The following IMMP2L variants were observed in gnomAD, a reference collection of about 807,000 sequenced individuals.
The protein encoded by IMMP2L is inner mitochondrial membrane peptidase subunit 2, also known as mitochondrial inner membrane protease subunit 2.
IMMP2L carries 18 observed loss-of-function variants against 19.3 expected under a neutral mutation model. The ratio of observed to expected loss-of-function variants is 0.93; its 90% CI spans 0.64 to 1.38. IMMP2L has a LOEUF of 1.38. IMMP2L is among the 40% of genes most tolerant of loss of function. The pLI is 0.00. For synonymous variants in IMMP2L, 76 were observed against 73.0 expected (o/e 1.04, Z -0.21); for missense variants, 233 against 218.2 (o/e 1.07, Z -0.43).
chr7:111,147,795 C>G (rs1156436880), intron 3 of IMMP2L, among the ~76,000 whole-genome samples: 1 of 152,086 alleles, frequency 6.6e-6, no homozygotes, highest in Non-Finnish European at 1.5e-5. Context: ...AAAACACAAA[C>G]AATTGTCAAA....
At chr7:111,365,104 C>T (rs1829644323) in intron 3 of IMMP2L, among the ~76,000 whole-genome samples, 1 of 151,858 alleles carries the variant, frequency 6.6e-6, no homozygotes. Flanking sequence ...ATAAGATAAA[C>T]TTTAAATAAG....
intron 5 of IMMP2L, among the ~76,000 whole-genome samples, chr7:110,675,813 C>T (rs527906512): frequency 3.3e-5 from 5 of 152,102 alleles, no homozygotes; most frequent in Non-Finnish European, 7.4e-5. Context: ...CAAATTAGGA[C>T]ACTTAAGAGT....
chr7:111,510,853 C>A (rs1845375675), intron 2 of IMMP2L, among the ~76,000 whole-genome samples: 1 of 152,174 alleles, frequency 6.6e-6, no homozygotes, highest in South Asian at 2.1e-4. Context: ...CCGTGCTTTA[C>A]CTTCCTGTCT....
intron 3 of IMMP2L, among the ~76,000 whole-genome samples, chr7:110,965,566 T>A (rs1286711627): frequency 6.6e-6 from 1 of 152,014 alleles, no homozygotes; most frequent in South Asian, 2.1e-4. Flanking sequence ...AACTTTAATG[T>A]CATTAATGTA....
chr7:110,782,104 C>T (rs1348028021), intron 5 of IMMP2L, among the ~76,000 whole-genome samples: 1 of 151,816 alleles, frequency 6.6e-6, no homozygotes. Flanking sequence ...CTATTCTAGT[C>T]GGCAGGAAGA....
intron 3 of IMMP2L, among the ~76,000 whole-genome samples, chr7:111,120,278 T>C (rs1800433882): frequency 6.6e-6 from 1 of 152,154 alleles, no homozygotes; most frequent in Non-Finnish European, 1.5e-5. Flanking sequence ...AGAGATTTAA[T>C]GGACTCACAG....
chr7:111,210,342 T>G (rs1305971351), intron 3 of IMMP2L, among the ~76,000 whole-genome samples: 3 of 152,174 alleles, frequency 2.0e-5, no homozygotes, highest in Admixed American at 2.0e-4. Context: ...TTCATCAGCT[T>G]AAAGTTTTCA....
intron 3 of IMMP2L, among the ~76,000 whole-genome samples, chr7:111,313,932 G>A (rs185000360): frequency 6.1e-4 from 93 of 152,196 alleles, no homozygotes; most frequent in Middle Eastern, 3.4e-3. Context: ...TTGTGATAGT[G>A]AGTTCTCGCA....
intron 3 of IMMP2L, among the ~76,000 whole-genome samples, chr7:111,467,308 T>C (rs1353335495): frequency 6.6e-6 from 1 of 152,172 alleles, no homozygotes; most frequent in African/African-American, 2.4e-5. Flanking sequence ...TTAGAACAAT[T>C]CCTGACACAT....
chr7:111,159,359 C>A (rs1805001385), intron 3 of IMMP2L, among the ~76,000 whole-genome samples: 1 of 152,072 alleles, frequency 6.6e-6, no homozygotes, highest in Admixed American at 6.6e-5. Context: ...CATGATCCAC[C>A]CACCTCGGCC....
intron 3 of IMMP2L, among the ~76,000 whole-genome samples, chr7:111,259,618 G>A (rs1024668324): frequency 1.3e-5 from 2 of 151,430 alleles, no homozygotes; most frequent in African/African-American, 4.9e-5. Context: ...AGCCTGGGAG[G>A]CAAAGTGACC....
chr7:111,155,862 C>T (rs1215734298), intron 3 of IMMP2L, among the ~76,000 whole-genome samples: 1 of 152,006 alleles, frequency 6.6e-6, no homozygotes, highest in African/African-American at 2.4e-5. Flanking sequence ...TCCCTTACAC[C>T]CCATCCCAGT....
intron 3 of IMMP2L, among the ~76,000 whole-genome samples, chr7:111,016,294 C>G (rs1014395211): frequency 6.8e-6 from 1 of 146,874 alleles, no homozygotes; most frequent in African/African-American, 2.5e-5. Context: ...TGAATATTGT[C>G]TTCCTTCCCT....
At chr7:111,133,873 A>G (rs1025183437) in intron 3 of IMMP2L, among the ~76,000 whole-genome samples, 3 of 152,062 alleles carry the variant, frequency 2.0e-5, no homozygotes, top group East Asian at 3.8e-4. Flanking sequence ...AACACCCTTT[A>G]TCTTCAGTTA....
chr7:111,286,276 A>T lies in IMMP2L; in HGVS notation c.239+200962T>A, dbSNP rs574771739. Among the ~76,000 whole-genome samples, 4 of 152,292 alleles carry T rather than the reference A, an allele frequency of 2.6e-5. No homozygotes were observed. The East Asian group carries it at 7.7e-4, about 29-fold the overall frequency. On this transcript the variant is annotated intron_variant, in intron 3 of 5. Transcript: ENST00000405709. ...CAGGAGAAGTTTAGCTATTCCTGAC[A>T]CTGGGACAGGACAGTTAAGAACTTT...
intron 2 of IMMP2L, among the ~76,000 whole-genome samples, chr7:111,512,722 C>T (rs891272939): frequency 1.3e-5 from 2 of 151,870 alleles, no homozygotes; most frequent in Non-Finnish European, 2.9e-5. Flanking sequence ...TTATAGTAAT[C>T]AAAACAGTAT....
At chr7:110,858,428 G>T (rs1390751706) in intron 5 of IMMP2L, among the ~76,000 whole-genome samples, 1 of 151,894 alleles carries the variant, frequency 6.6e-6, no homozygotes, top group Non-Finnish European at 1.5e-5. Context: ...GAGGGGGAGG[G>T]GGACAGGGAG....
chr7:111,305,647 T>C (rs1822787534), intron 3 of IMMP2L, among the ~76,000 whole-genome samples: 1 of 152,196 alleles, frequency 6.6e-6, no homozygotes, highest in South Asian at 2.1e-4. Context: ...CTCTGATTTA[T>C]ATATCAGTAA....
chr7:110,825,753 A>T (rs10245360), intron 5 of IMMP2L, among the ~76,000 whole-genome samples: 10,232 of 152,166 alleles, frequency 0.067, 1,147 homozygotes, highest in African/African-American at 0.23. Context: ...AATCTAGGCA[A>T]TACCATTCAG....
Sources: allele counts gnomAD v4.1 joint callset (sites outside exome capture counted in the v4.1 genomes callset), GRCh38; gene constraint gnomAD v4.1.1; transcripts MANE v1.5; gene names NCBI Gene and HGNC (gene_info 2026-07-23, HGNC 2026-07-21).